PAIP1: variants seen among roughly 807,000 people sequenced by gnomAD.
PAIP1 encodes polyadenylate-binding protein-interacting protein 1.
PAIP1 carries 16 observed loss-of-function variants against 61.3 expected under a neutral mutation model. That is an observed-to-expected ratio of 0.26 (90% CI 0.18 to 0.40). The LOEUF is 0.40. Among genes scored for constraint, PAIP1 ranks in the 10% least tolerant of loss-of-function variants. PAIP1 has a pLI of 1.00. For synonymous variants in PAIP1, 187 were observed against 226.2 expected, an observed-to-expected ratio of 0.83 and a Z score of 1.56; for missense variants, 416 against 600.9, an observed-to-expected ratio of 0.69 and a Z score of 3.22.
At chr5:43,553,832 G>A (rs1452998212) in intron 2 of PAIP1, among the ~76,000 whole-genome samples, 3 of 152,172 alleles carry the variant, frequency 2.0e-5, no homozygotes, top group Non-Finnish European at 4.4e-5. Context: ...TAAAGAGAAT[G>A]CCTCTACTCA....
Position 43,533,786 on chromosome 5 carries a change from G to T in PAIP1, c.1204C>A (p.Pro402Thr). The change falls in exon 9 of 11, where the codon CCA (proline) becomes ACA (threonine). Residue 402 changes from proline to threonine, a missense_variant. This residue lies in a region of PAIP1 where 135 missense variants were observed against 283.9 expected (regional missense o/e 0.48). Transcript: ENST00000306846. ...ENDPNYFMNE[P>T]TFYTSDGVPF... is the part of the protein sequence containing the mutation. ...ACACCATCAGATGTATAAAATGTTG[G>T]TTCATTCTAGGATGAATCAAAGTGA... 6.4e-7 allele frequency: 1 copy of T among 1,558,030 alleles called. No individual in the cohort carries two copies. Among genetic ancestry groups the T allele is most frequent in the South Asian group, 1.1e-5 (1 of 89,918 alleles).
intron 2 of PAIP1, among the ~76,000 whole-genome samples, chr5:43,550,158 G>GAAGGATA (rs1442602356): frequency 6.6e-6 from 1 of 152,116 alleles, no homozygotes; most frequent in Non-Finnish European, 1.5e-5. Flanking sequence ...TCATTGAATA[G>GAAGGATA]AAGGATAAAC....
upstream of PAIP1, chr5:43,557,103 C>T (rs1748131625): frequency 1.7e-6 from 1 of 573,180 alleles, no homozygotes; most frequent in Non-Finnish European, 2.5e-6. Context: ...CCCGGCTCCC[C>T]GCCTTCGGCG....
chr5:43,539,563 T>C (rs991437263), intron 4 of PAIP1, among the ~76,000 whole-genome samples: 3 of 131,420 alleles, frequency 2.3e-5, no homozygotes, highest in African/African-American at 9.1e-5. Flanking sequence ...ATCAGAGAAG[T>C]ACTAATGTGA....
Position 43,547,921 on chromosome 5 carries a change from T to A in PAIP1, c.436-8A>T, listed in dbSNP as rs1336929443. On this transcript the variant is annotated splice_region_variant and splice_polypyrimidine_tract_variant and intron_variant, in intron 2 of 10. Coordinates refer to ENST00000306846, the MANE Select transcript of PAIP1 (RefSeq NM_006451.5). ...ACCATCCTCATAGGATTCCTACGGA[T>A]CAAAAATGAAAAAACAATTTTAATC... The A allele has an allele frequency of 6.9e-6, 11 of 1,587,080 alleles. No homozygotes were observed. The highest frequency in any genetic ancestry group is 1.7e-4 in the Middle Eastern group (1 of 5,820).
intron 3 of PAIP1, among the ~76,000 whole-genome samples, chr5:43,544,510 G>T (rs747325448): frequency 6.6e-6 from 1 of 152,014 alleles, no homozygotes; most frequent in African/African-American, 2.4e-5. Flanking sequence ...CTTACATCCC[G>T]GTTTTACTCC....
chr5:43,532,444 C>A (rs973846984), intron 9 of PAIP1, among the ~76,000 whole-genome samples: 8 of 152,042 alleles, frequency 5.3e-5, no homozygotes, highest in Non-Finnish European at 7.4e-5. Context: ...TGGCTTAATA[C>A]CAATTGTTGA....
At chr5:43,550,178 T>G (rs9292886) in intron 2 of PAIP1, among the ~76,000 whole-genome samples, 2,216 of 152,238 alleles carry the variant, frequency 0.015, 47 homozygotes, top group African/African-American at 0.051. Context: ...CTCTAATACA[T>G]TAGATTTTTG....
chr5:43,551,818 AAGT>A, intron 2 of PAIP1, among the ~76,000 whole-genome samples: 1 of 152,114 alleles, frequency 6.6e-6, no homozygotes, highest in Middle Eastern at 3.4e-3. Context: ...TAAAAGAAGA[AAGT>A]AGAACTGCTC....
At chr5:43,527,825 C>G (rs1246802881) in intron 10 of PAIP1, among the ~76,000 whole-genome samples, 3 of 152,144 alleles carry the variant, frequency 2.0e-5, no homozygotes, top group Non-Finnish European at 4.4e-5. Context: ...TAGAATATAA[C>G]TATTAATAGA....
At chr5:43,551,100 A>C (rs907681176) in intron 2 of PAIP1, among the ~76,000 whole-genome samples, 1 of 152,168 alleles carries the variant, frequency 6.6e-6, no homozygotes, top group Non-Finnish European at 1.5e-5. Flanking sequence ...TTGGGGGCCA[A>C]ATTAAGGAAA....
rs1407072349 is a variant in PAIP1 at position 43,556,007 on chromosome 5, A to AG, written c.266-9dup. On this transcript the variant is annotated splice_polypyrimidine_tract_variant and intron_variant, in intron 1 of 10. Coordinates refer to ENST00000306846, the MANE Select transcript of PAIP1 (RefSeq NM_006451.5). ...TCAGGGGCCTCGTTTGCTCTGCAAA[A>AG]GAAAAAAAAACGGGGCGTCAGATGC... 6.2e-7 allele frequency: 1 copy of AG among 1,605,672 alleles called. No homozygotes were observed. The highest frequency in any genetic ancestry group is 1.7e-5 in the Admixed American group (1 of 57,468).
rs1224515366 is a variant in PAIP1, at chr5:43,555,968, A to G, written c.297T>C (p.Ser99=). 1.9e-6 allele frequency: 3 copies of G among 1,613,976 alleles called. No homozygotes were observed. ...EQTRPLRAPP[S]SQDKIPQQNS... is the part of the protein sequence containing the mutation. ...TCTGCTGTGGGATTTTATCCTGTGAACTAGGTGGAGCTCTCAGGGGCCTCG... is the reference window on the plus strand; with the variant it reads ...TCTGCTGTGGGATTTTATCCTGTGAGCTAGGTGGAGCTCTCAGGGGCCTCG... The change falls in exon 2 of 11, where the codon AGT becomes AGC. Residue 99 remains serine (S), a synonymous_variant. Coordinates refer to ENST00000306846, the MANE Select transcript of PAIP1 (RefSeq NM_006451.5).
In PAIP1 at chr5:43,535,963, C is replaced by G. The variant is rs560670822; in HGVS notation, c.973-323G>C. Among the ~76,000 whole-genome samples the G allele has an allele frequency of 2.9e-5, 4 of 138,762 alleles. No homozygotes were observed. In the East Asian group the frequency reaches 8.5e-4, roughly 29 times the overall value. The allele number at this position is 138,762 out of a possible 152,430, so 91.0% of individuals were successfully genotyped here. On this transcript the variant is annotated intron_variant, in intron 6 of 10. Transcript: ENST00000306846. Reference sequence around the variant, plus strand: ...CACTTTTTTTGAAATATACAGCAAGCAACAAGTATAGAAGCTTTGAATAAA... The same window carrying G: ...CACTTTTTTTGAAATATACAGCAAGGAACAAGTATAGAAGCTTTGAATAAA...
intron 3 of PAIP1, among the ~76,000 whole-genome samples, chr5:43,547,238 C>G (rs1026057366): frequency 4.0e-5 from 6 of 151,888 alleles, no homozygotes; most frequent in African/African-American, 1.5e-4. Flanking sequence ...TATGGTTTGG[C>G]TTTCTTTTTT....
intron 4 of PAIP1, among the ~76,000 whole-genome samples, chr5:43,540,246 CAGAAA>C (rs1336742166): frequency 6.6e-6 from 1 of 152,154 alleles, no homozygotes; most frequent in East Asian, 1.9e-4. Flanking sequence ...AATTCCTCAT[CAGAAA>C]AAAGTTGGGA....
chr5:43,543,246 G>T, intron 3 of PAIP1, 130 bp from the exon 4 acceptor site: 23 of 279,010 alleles, frequency 8.2e-5, no homozygotes, highest in East Asian at 1.5e-4. Flanking sequence ...TTTTGTCATT[G>T]TTAGGCTTAA....
At position 43,527,399 on chromosome 5, in the gene PAIP1, A is replaced by G. The variant is rs919475254; in HGVS notation, c.1417T>C (p.Ser473Pro). ...EEAYEKFCLE[S>P]ERKRKQ ...CTTTACTGTTTTCGCTTACGCTCTG[A>G]TTCCAAACAAAACTTTTCATAAGCT... The change falls in exon 11 of 11, where the codon TCA becomes CCA. Residue 473 changes from serine to proline, a missense_variant. Physicochemically the swap from Ser to Pro is moderately conservative, Grantham distance 74 (BLOSUM62 -1). Coordinates refer to ENST00000306846, the MANE Select transcript of PAIP1 (RefSeq NM_006451.5). The G allele has an allele frequency of 6.2e-7, 1 of 1,601,478 alleles. No homozygotes were observed. The highest frequency in any genetic ancestry group is 8.5e-7 in the Non-Finnish European group (1 of 1,175,108).
At chr5:43,529,164 T>C (rs939651492) in intron 10 of PAIP1, among the ~76,000 whole-genome samples, 11 of 149,806 alleles carry the variant, frequency 7.3e-5, no homozygotes, top group African/African-American at 2.2e-4. Context: ...GTACTACTAT[T>C]CTTATTTTAT....
Sources: allele counts gnomAD v4.1 joint callset (sites outside exome capture counted in the v4.1 genomes callset), GRCh38; gene constraint gnomAD v4.1.1; regional missense constraint gnomAD v4.1.1; transcripts MANE v1.5; gene names NCBI Gene and HGNC (gene_info 2026-07-23, HGNC 2026-07-21).